Variants in ASPRV1 observed in about 807,000 individuals in gnomAD.
ASPRV1 encodes the protein aspartic peptidase retroviral like 1, also known as retroviral-like aspartic protease 1.
Under a neutral mutation model 11.0 loss-of-function variants are expected in ASPRV1, and 7 were observed. The observed-to-expected ratio is 0.64, with a 90% confidence interval of 0.36 to 1.20. The LOEUF (loss-of-function observed/expected upper bound fraction) is 1.20. Among genes scored for constraint, ASPRV1 ranks in the 50% most tolerant of loss-of-function variants. ASPRV1 has a pLI of 0.02. For missense variants in ASPRV1, 299 were observed against 320.0 expected (o/e 0.93, Z 0.50); for synonymous variants, 136 against 138.4 (o/e 0.98, Z 0.12).
the ASPRV1 span, among the ~76,000 whole-genome samples, chr2:69,986,172 C>T: frequency 1.8e-3 from 271 of 152,272 alleles, 4 homozygotes; most frequent in East Asian, 0.047. Context: ...GTAAGCAAGG[C>T]GTCTAATATG....
At chr2:70,016,959 C>T in the ASPRV1 span, among the ~76,000 whole-genome samples, 1 of 152,020 alleles carries the variant, frequency 6.6e-6, no homozygotes, top group African/African-American at 2.4e-5. Context: ...TGATACACCA[C>T]ATTAACAGGA....
chr2:70,018,820 T>C, the ASPRV1 span, among the ~76,000 whole-genome samples: 1 of 152,170 alleles, frequency 6.6e-6, no homozygotes, highest in Admixed American at 6.5e-5. Flanking sequence ...GTAACACTAC[T>C]AGAAGAAAGC....
At chr2:69,968,969 C>T in the ASPRV1 span, among the ~76,000 whole-genome samples, 2 of 152,230 alleles carry the variant, frequency 1.3e-5, no homozygotes, top group Non-Finnish European at 2.9e-5. Flanking sequence ...CCGTGGGTTC[C>T]CTGCCTTTAT....
At chr2:69,972,282 C>G in the ASPRV1 span, among the ~76,000 whole-genome samples, 1 of 151,678 alleles carries the variant, frequency 6.6e-6, no homozygotes, top group East Asian at 1.9e-4. Context: ...AGGCTGGTCT[C>G]CAACTCTTGA....
At chr2:70,032,566 G>A in the ASPRV1 span, among the ~76,000 whole-genome samples, 1 of 152,098 alleles carries the variant, frequency 6.6e-6, no homozygotes, top group Admixed American at 6.6e-5. Flanking sequence ...GCTGAGGCAG[G>A]AGGATTGCTT....
the ASPRV1 span, among the ~76,000 whole-genome samples, chr2:70,079,837 A>T: frequency 6.6e-6 from 1 of 152,208 alleles, no homozygotes; most frequent in Non-Finnish European, 1.5e-5. Flanking sequence ...AACACACAGA[A>T]GGGTTCTATT....
chr2:70,069,406 T>C, the ASPRV1 span: 1 of 152,152 alleles, frequency 6.6e-6, no homozygotes, highest in Non-Finnish European at 1.5e-5. Context: ...TAAGACATGG[T>C]TTATGATGTC....
chr2:69,980,689 C>A, the ASPRV1 span, among the ~76,000 whole-genome samples: 1 of 152,170 alleles, frequency 6.6e-6, no homozygotes, highest in Non-Finnish European at 1.5e-5. Context: ...AAGATAGGAA[C>A]GTTAGAGGAA....
the ASPRV1 span, chr2:70,077,170 T>C: frequency 6.6e-6 from 1 of 152,222 alleles, no homozygotes; most frequent in Non-Finnish European, 1.5e-5. Context: ...CTTAGCACAG[T>C]GCCCGGTTCA....
In ASPRV1 at chr2:69,960,945, A is replaced by C; in HGVS notation, c.492T>G (p.Gly164=). ...AGACACCCAGGATCTTCATTTCAGC[A>C]CCATTGGCCACCTTTACCACATTCT... ...PFENVVKVAN[G]AEMKILGVWD... The change falls in exon 1 of 1, where the codon GGT becomes GGG. Residue 164 remains glycine (G), a synonymous_variant. Coordinates refer to ENST00000320256, the MANE Select transcript of ASPRV1 (RefSeq NM_152792.4). The C allele has an allele frequency of 6.2e-7, 1 of 1,613,984 alleles. No individual in the cohort carries two copies. The highest frequency in any genetic ancestry group is 8.5e-7 in the Non-Finnish European group (1 of 1,179,986).
At chr2:70,063,928 T>G in the ASPRV1 span, 2 of 152,242 alleles carry the variant, frequency 1.3e-5, no homozygotes, top group Non-Finnish European at 2.9e-5. Context: ...GGTTTATGAT[T>G]TAATGATCCT....
the ASPRV1 span, among the ~76,000 whole-genome samples, chr2:70,004,347 T>C: frequency 8.1e-3 from 1,235 of 151,968 alleles, 17 homozygotes; most frequent in African/African-American, 0.028. Context: ...CTGGCCAACA[T>C]GGTAAAACCC....
the ASPRV1 span, among the ~76,000 whole-genome samples, chr2:69,989,954 G>A: frequency 6.6e-6 from 1 of 152,220 alleles, no homozygotes; most frequent in Non-Finnish European, 1.5e-5. Context: ...CCAGCACATG[G>A]CCCTTGCCAT....
chr2:69,983,395 C>T, the ASPRV1 span, among the ~76,000 whole-genome samples: 1 of 152,182 alleles, frequency 6.6e-6, no homozygotes, highest in South Asian at 2.1e-4. Flanking sequence ...TCAGCACTGG[C>T]CTGAGTTCTG....
At chr2:69,961,653 C>G, upstream of ASPRV1, 1 of 1,570,730 alleles carries the variant, frequency 6.4e-7, no homozygotes. Flanking sequence ...TCTGCAGAGC[C>G]TTTTTGATGC....
chr2:70,057,978 A>T, the ASPRV1 span, among the ~76,000 whole-genome samples: 1 of 150,886 alleles, frequency 6.6e-6, no homozygotes, highest in Non-Finnish European at 1.5e-5. Context: ...TATTTTTAGT[A>T]CAGACAGCGT....
At chr2:70,056,078 A>T in the ASPRV1 span, 1 of 152,096 alleles carries the variant, frequency 6.6e-6, no homozygotes, top group Non-Finnish European at 1.5e-5. Context: ...GCTAAGTAAA[A>T]TAAGCCCATC....
chr2:69,962,001 C>G, upstream of ASPRV1: 1 of 319,794 alleles, frequency 3.1e-6, no homozygotes, highest in Non-Finnish European at 6.1e-6. Flanking sequence ...CATTGGCCTC[C>G]CCAACAAGTG....
At chr2:70,066,197 C>CT in the ASPRV1 span, among the ~76,000 whole-genome samples, 1 of 152,018 alleles carries the variant, frequency 6.6e-6, no homozygotes, top group African/African-American at 2.4e-5. Flanking sequence ...GACAGAGACT[C>CT]TGTCTCCAAA....
Sources: allele counts gnomAD v4.1 joint callset (sites outside exome capture counted in the v4.1 genomes callset), GRCh38; gene constraint gnomAD v4.1.1; transcripts MANE v1.5; gene names NCBI Gene and HGNC (gene_info 2026-07-23, HGNC 2026-07-21).